KLF12: variants seen among roughly 807,000 people sequenced by gnomAD.
KLF12 encodes KLF transcription factor 12.
KLF12 carries 9 observed loss-of-function variants against 37.8 expected under a neutral mutation model. The ratio of observed to expected loss-of-function variants is 0.24; its 90% CI spans 0.14 to 0.42. The LOEUF is 0.42. KLF12 is among the 10% of genes least tolerant of loss of function. The pLI is 1.00. For missense variants in KLF12, 411 were observed against 516.0 expected (o/e 0.80, Z 1.97); for synonymous variants, 208 against 202.1 (o/e 1.03, Z -0.25).
Position 73,692,183 on chromosome 13 carries a change from A to C in KLF12, c.*3307T>G, listed in dbSNP as rs117000850. ...AACTGCCTTAATAGAACTTAAGACAAGTTATCAAGCAGGCTTCTCAGAGTC... is the reference window on the plus strand; with the variant it reads ...AACTGCCTTAATAGAACTTAAGACACGTTATCAAGCAGGCTTCTCAGAGTC... On this transcript the variant is annotated 3_prime_UTR_variant, in exon 8 of 8. Coordinates refer to ENST00000377669, the MANE Select transcript of KLF12 (RefSeq NM_007249.5). 2.0e-5 allele frequency: 3 copies of C among 152,186 alleles called. No individual in the cohort carries two copies. Among genetic ancestry groups the C allele is most frequent in the African/African-American group, 7.2e-5 (3 of 41,444 alleles). The allele number at this position is 152,186 out of a possible 1,614,324, so 9.4% of individuals were successfully genotyped here. A position where few individuals can be genotyped will look rare whatever the true frequency, so the allele number is the denominator to read the frequency against.
At position 73,785,367 on chromosome 13, in the gene KLF12, G is replaced by A. The variant is rs145926032; in HGVS notation, c.807-20367C>T. Among the ~76,000 whole-genome samples the A allele has an allele frequency of 5.0e-3, 756 of 152,110 alleles. 7 individuals are homozygous for A. Among genetic ancestry groups the A allele is most frequent in the African/African-American group, 0.016 (677 of 41,516 alleles). On this transcript the variant is annotated intron_variant, in intron 5 of 7. Coordinates refer to ENST00000377669, the MANE Select transcript of KLF12 (RefSeq NM_007249.5). ...GGACTCAAGTGATCCGCTCACCTCC[G>A]TCTCCCAAAGTGCTGGGATTACAGG...
chr13:74,112,432 TG>T (rs762685500), intron 1 of KLF12, among the ~76,000 whole-genome samples: 20 of 151,778 alleles, frequency 1.3e-4, no homozygotes, highest in Non-Finnish European at 2.8e-4. Flanking sequence ...TGTTTTGATT[TG>T]TTTTTTTACA....
chr13:73,721,548 TCC>T (rs1876257965), intron 6 of KLF12, among the ~76,000 whole-genome samples: 5 of 152,118 alleles, frequency 3.3e-5, no homozygotes, highest in African/African-American at 1.2e-4. Flanking sequence ...TTCTTTTCTC[TCC>T]TTTCATCTTG....
chr13:73,692,394 C>A lies in KLF12; in HGVS notation c.*3096G>T, dbSNP rs563481043. The A allele has an allele frequency of 2.0e-5, 3 of 152,722 alleles. No individual in the cohort carries two copies. The East Asian group carries it at 5.8e-4, about 29-fold the overall frequency. 9.5% of individuals were successfully genotyped at this position (152,722 alleles called of 1,614,324 possible). On this transcript the variant is annotated 3_prime_UTR_variant, in exon 8 of 8. Transcript: ENST00000377669. ...TGCAAACAGAAAATCAGGTCTACTG[C>A]AGCTGCTTAAGTAGTTAATGGCTCT...
At chr13:74,144,625 G>A in the KLF12 span, among the ~76,000 whole-genome samples, 3 of 152,132 alleles carry the variant, frequency 2.0e-5, no homozygotes, top group Admixed American at 6.5e-5. Flanking sequence ...AACTCACTGA[G>A]ATAAAAAAAT....
At chr13:74,164,123 C>A in the KLF12 span, among the ~76,000 whole-genome samples, 4 of 151,992 alleles carry the variant, frequency 2.6e-5, no homozygotes, top group South Asian at 6.2e-4. Context: ...AGTGGAAAAA[C>A]CTTTGGTTTG....
At chr13:74,095,539 C>G (rs951349291) in intron 1 of KLF12, among the ~76,000 whole-genome samples, 2 of 152,024 alleles carry the variant, frequency 1.3e-5, no homozygotes, top group Non-Finnish European at 2.9e-5. Context: ...CAGGCATGCA[C>G]CACCATGCCC....
At chr13:73,962,674 G>C (rs776251285) in intron 2 of KLF12, among the ~76,000 whole-genome samples, 1 of 152,066 alleles carries the variant, frequency 6.6e-6, no homozygotes, top group African/African-American at 2.4e-5. Context: ...AAATCTCTTC[G>C]CAAGTTTAAT....
At chr13:74,122,215 T>C (rs574161297) in intron 1 of KLF12, among the ~76,000 whole-genome samples, 1 of 152,096 alleles carries the variant, frequency 6.6e-6, no homozygotes, top group South Asian at 2.1e-4. Flanking sequence ...GGCTTTAATA[T>C]AAAATGAATT....
chr13:73,944,264 G>A (rs1318698225), intron 2 of KLF12, among the ~76,000 whole-genome samples, 194 bp from the exon 3 acceptor site: 1 of 152,108 alleles, frequency 6.6e-6, no homozygotes, highest in Non-Finnish European at 1.5e-5. Flanking sequence ...TAATGACCAA[G>A]CAGTTGAATT....
chr13:73,930,271 T>TA (rs1889603932), intron 3 of KLF12, among the ~76,000 whole-genome samples: 1 of 152,186 alleles, frequency 6.6e-6, no homozygotes, highest in African/African-American at 2.4e-5. Flanking sequence ...ATCATTTTTT[T>TA]AAAAAACGCA....
intron 3 of KLF12, among the ~76,000 whole-genome samples, chr13:73,898,363 A>G (rs1887886253): frequency 1.3e-5 from 2 of 152,228 alleles, no homozygotes; most frequent in Non-Finnish European, 2.9e-5. Flanking sequence ...AGAAAACCTT[A>G]TTACAGGATA....
the KLF12 span, among the ~76,000 whole-genome samples, chr13:74,261,163 G>A: frequency 1.3e-5 from 2 of 152,114 alleles, no homozygotes; most frequent in South Asian, 4.1e-4. Context: ...AGATCAATAT[G>A]TATTAAAATA....
intron 3 of KLF12, among the ~76,000 whole-genome samples, chr13:73,936,249 T>C (rs1012052838): frequency 3.9e-5 from 6 of 152,344 alleles, no homozygotes; most frequent in Admixed American, 3.3e-4. Context: ...TGTTCTGGTA[T>C]ACAGCTGAGT....
intron 3 of KLF12, among the ~76,000 whole-genome samples, chr13:73,919,839 G>A (rs570267829): frequency 3.9e-5 from 6 of 152,290 alleles, no homozygotes; most frequent in Middle Eastern, 3.4e-3. Flanking sequence ...CAACCCACTT[G>A]GAGATTATAT....
the KLF12 span, among the ~76,000 whole-genome samples, chr13:74,296,052 C>T: frequency 2.0e-5 from 3 of 151,818 alleles, no homozygotes; most frequent in Admixed American, 6.6e-5. Flanking sequence ...CTCCTGAGCT[C>T]GGGTGATCCA....
chr13:73,976,279 A>C (rs1050914828), intron 2 of KLF12, among the ~76,000 whole-genome samples: 1 of 152,146 alleles, frequency 6.6e-6, no homozygotes, highest in African/African-American at 2.4e-5. Context: ...AAATAAGTGA[A>C]ACAGATACAA....
At chr13:74,264,922 A>C in the KLF12 span, among the ~76,000 whole-genome samples, 1 of 152,158 alleles carries the variant, frequency 6.6e-6, no homozygotes, top group Non-Finnish European at 1.5e-5. Flanking sequence ...ATCTGAATTC[A>C]TAGAGAGGGC....
At chr13:74,152,980 A>G in the KLF12 span, among the ~76,000 whole-genome samples, 2 of 151,618 alleles carry the variant, frequency 1.3e-5, no homozygotes. Context: ...CAAAGCATAA[A>G]TGTCAGATAA....
Sources: gnomAD v4.1 joint callset for allele counts (sites outside exome capture counted in the v4.1 genomes callset) on GRCh38, gnomAD v4.1.1 for gene constraint, MANE v1.5 for transcripts, NCBI Gene and HGNC (gene_info 2026-07-23, HGNC 2026-07-21) for gene names.